Variants in ODAD4 observed in about 807,000 individuals in gnomAD.
ODAD4 encodes the protein outer dynein arm-docking complex subunit 4.
Under a neutral mutation model 51.8 loss-of-function variants are expected in ODAD4, and 49 were observed. The ratio of observed to expected loss-of-function variants is 0.95; its 90% CI spans 0.75 to 1.20. The LOEUF (loss-of-function observed/expected upper bound fraction) is 1.20. Ranked by LOEUF, ODAD4 falls within the 50% of genes most tolerant of loss-of-function variation. The pLI is 0.00. For synonymous variants in ODAD4, 235 were observed against 221.3 expected (o/e 1.06, Z -0.55); for missense variants, 590 against 586.5 (o/e 1.01, Z -0.06).
intron 11 of ODAD4, among the ~76,000 whole-genome samples, chr17:41,962,274 G>A (rs1457528543): frequency 2.6e-5 from 4 of 152,190 alleles, no homozygotes; most frequent in Non-Finnish European, 5.9e-5. Context: ...CGCTGCTCTC[G>A]GGCCAGCAGT....
chr17:41,937,578 C>G (rs2144495454), intron 5 of ODAD4, among the ~76,000 whole-genome samples: 1 of 152,290 alleles, frequency 6.6e-6, no homozygotes, highest in East Asian at 1.9e-4. Flanking sequence ...TAAAGCGATT[C>G]TCCTGCCTCA....
intron 9 of ODAD4, among the ~76,000 whole-genome samples, chr17:41,954,028 C>G (rs2050694489): frequency 6.6e-6 from 1 of 151,882 alleles, no homozygotes; most frequent in African/African-American, 2.4e-5. Flanking sequence ...CTCTGTCACA[C>G]AGGCTGGAGT....
chr17:41,932,098 T>C (rs2050351821), intron 1 of ODAD4, among the ~76,000 whole-genome samples: 1 of 151,956 alleles, frequency 6.6e-6, no homozygotes. Flanking sequence ...AGATGGAGTT[T>C]TGCTCTTCTT....
At chr17:41,932,542 T>G (rs73307798) in intron 1 of ODAD4, among the ~76,000 whole-genome samples, 22,019 of 151,920 alleles carry the variant, frequency 0.14, 1,745 homozygotes, top group East Asian at 0.17. Flanking sequence ...GTTGTTTTTT[T>G]TTTGTTTGTT....
At chr17:41,944,511 C>T (rs1449880622) in intron 7 of ODAD4, among the ~76,000 whole-genome samples, 1 of 149,074 alleles carries the variant, frequency 6.7e-6, no homozygotes, top group Admixed American at 6.7e-5. Context: ...TTTTTTTGGC[C>T]AGGTGCAGTG....
intron 7 of ODAD4, among the ~76,000 whole-genome samples, chr17:41,944,435 CACACACACA>C (rs1567933096): frequency 4.2e-3 from 19 of 4,484 alleles, no homozygotes; most frequent in East Asian, 0.04. Flanking sequence ...CACACACACA[CACACACACA>C]CCCCCCCGCA....
In ODAD4 at chr17:41,964,979, CTCT is replaced by C. The variant is rs781879607; in HGVS notation, c.1529-12_1529-10del. The C allele has an allele frequency of 2.9e-6, 2 of 685,788 alleles. No homozygotes were observed. Among genetic ancestry groups the C allele is most frequent in the South Asian group, 3.2e-5 (2 of 62,944 alleles). The allele number at this position is 685,788 out of a possible 1,614,324, so 42.5% of individuals were successfully genotyped here. ...AACTTTTATCTTTCTTCCCGCTTTT[CTCT>C]TATTTTTCAGAAGCTTCACTGTATG... On this transcript the variant is annotated splice_polypyrimidine_tract_variant and intron_variant, in intron 11 of 11. Coordinates refer to ENST00000377540, the MANE Select transcript of ODAD4 (RefSeq NM_031421.5).
chr17:41,932,351 G>A (rs1483580101), intron 1 of ODAD4, among the ~76,000 whole-genome samples: 3 of 151,962 alleles, frequency 2.0e-5, no homozygotes, highest in Admixed American at 6.6e-5. Flanking sequence ...GATTACAGGC[G>A]TGAACCACCC....
intron 7 of ODAD4, among the ~76,000 whole-genome samples, chr17:41,942,301 A>G (rs1486260972): frequency 6.6e-6 from 1 of 152,086 alleles, no homozygotes; most frequent in African/African-American, 2.4e-5. Context: ...TGTGAGTCCC[A>G]TGTGCTCCAG....
chr17:41,957,660 G>A (rs1352048736), intron 10 of ODAD4, among the ~76,000 whole-genome samples: 1 of 152,198 alleles, frequency 6.6e-6, no homozygotes, highest in Non-Finnish European at 1.5e-5. Context: ...ACAGGGGTAG[G>A]AAGGCACTGG....
At chr17:41,955,497 G>A (rs782730423) in intron 10 of ODAD4, among the ~76,000 whole-genome samples, 180 bp downstream of exon 10, 1 of 152,046 alleles carries the variant, frequency 6.6e-6, no homozygotes, top group Admixed American at 6.6e-5. Flanking sequence ...GCGTGATCTC[G>A]GCTCACTGCA....
At chr17:41,964,301 T>C (rs1022944679) in intron 11 of ODAD4, among the ~76,000 whole-genome samples, 4 of 150,998 alleles carry the variant, frequency 2.6e-5, no homozygotes, top group Non-Finnish European at 5.9e-5. Flanking sequence ...CCTCAGGTGA[T>C]CCACCTGCCT....
chr17:41,946,496 T>A (rs2050588796), intron 8 of ODAD4, among the ~76,000 whole-genome samples: 1 of 151,884 alleles, frequency 6.6e-6, no homozygotes, highest in African/African-American at 2.4e-5. Context: ...AGCTAATTTT[T>A]GTATTTTTAG....
intron 10 of ODAD4, among the ~76,000 whole-genome samples, chr17:41,960,490 C>G (rs888363495): frequency 6.6e-6 from 1 of 152,152 alleles, no homozygotes; most frequent in Non-Finnish European, 1.5e-5. Flanking sequence ...AAGCACAAAC[C>G]CTGGTTCATG....
chr17:41,938,930 G>C (rs375308590), intron 6 of ODAD4, 35 bp from the exon 7 acceptor site: 15 of 1,594,690 alleles, frequency 9.4e-6, no homozygotes, highest in African/African-American at 2.7e-5. Context: ...AGAGGAGGCT[G>C]CCCTGGCCTC....
intron 9 of ODAD4, among the ~76,000 whole-genome samples, chr17:41,950,117 G>A (rs923027541): frequency 1.3e-5 from 2 of 150,882 alleles, no homozygotes; most frequent in East Asian, 2.0e-4. Flanking sequence ...TTACAGGCGC[G>A]CACCACCACA....
intron 6 of ODAD4, 69 bp from the exon 7 acceptor site, chr17:41,938,896 G>A: frequency 6.3e-7 from 1 of 1,580,170 alleles, no homozygotes; most frequent in Non-Finnish European, 8.6e-7. Flanking sequence ...GTGTCTGCAG[G>A]AAGAGGAGTT....
chr17:41,941,070 C>T (rs1472902419), intron 7 of ODAD4, among the ~76,000 whole-genome samples: 1 of 152,210 alleles, frequency 6.6e-6, no homozygotes, highest in African/African-American at 2.4e-5. Context: ...GCGTGAGCCA[C>T]TGCGCTTGGC....
chr17:41,936,937 A>T lies in ODAD4; in HGVS notation c.625+10A>T, dbSNP rs754875216. On this transcript the variant is annotated intron_variant, in intron 5 of 11. Coordinates refer to ENST00000377540, the MANE Select transcript of ODAD4 (RefSeq NM_031421.5). The stretch of plus-strand genomic sequence containing the variant: ...CTCCTATTGGATGAAGGTTTCGGAC[A>T]CTTTGTTGGCACGGGGCCTTGGGGG... 1 of 1,612,398 alleles carries T rather than the reference A, an allele frequency of 6.2e-7. No homozygotes were observed. Among genetic ancestry groups the T allele is most frequent in the Non-Finnish European group, 8.5e-7 (1 of 1,178,656 alleles).
Sources: allele counts gnomAD v4.1 joint callset (sites outside exome capture counted in the v4.1 genomes callset), GRCh38; gene constraint gnomAD v4.1.1; transcripts MANE v1.5; gene names NCBI Gene and HGNC (gene_info 2026-07-23, HGNC 2026-07-21).